SPRED2: variants seen among roughly 807,000 people sequenced by gnomAD.
SPRED2 encodes sprouty related EVH1 domain containing 2.
Under a neutral mutation model 43.0 loss-of-function variants are expected in SPRED2, and 47 were observed. That is an observed-to-expected ratio of 1.09 (90% CI 0.87 to 1.40). The LOEUF is 1.40. SPRED2 is among the 40% of genes most tolerant of loss of function. The pLI is 0.00. For synonymous variants in SPRED2, 225 were observed against 225.7 expected, an observed-to-expected ratio of 1.00 and a Z score of 0.03; for missense variants, 561 against 586.4, an observed-to-expected ratio of 0.96 and a Z score of 0.45.
intron 4 of SPRED2, among the ~76,000 whole-genome samples, chr2:65,322,567 A>G (rs2104155877): frequency 6.6e-6 from 1 of 152,170 alleles, no homozygotes; most frequent in Admixed American, 6.5e-5. Context: ...TGCTGGGATT[A>G]CAGGCGTGAG....
At chr2:65,386,807 G>A (rs980731899) in intron 1 of SPRED2, among the ~76,000 whole-genome samples, 27 of 152,110 alleles carry the variant, frequency 1.8e-4, no homozygotes, top group South Asian at 1.0e-3. Flanking sequence ...TAAAAATAAC[G>A]TCTACTTTTG....
intron 1 of SPRED2, among the ~76,000 whole-genome samples, chr2:65,375,748 A>G (rs1675223571): frequency 6.6e-6 from 1 of 152,204 alleles, no homozygotes; most frequent in Non-Finnish European, 1.5e-5. Flanking sequence ...AAACTTTTAA[A>G]CAAGGTTCAT....
downstream of SPRED2, among the ~76,000 whole-genome samples, chr2:65,309,848 G>A (rs1447078643): frequency 2.0e-5 from 3 of 152,056 alleles, no homozygotes; most frequent in South Asian, 2.1e-4. Flanking sequence ...CTTGACTGTC[G>A]CCCACTTGTC....
intron 1 of SPRED2, among the ~76,000 whole-genome samples, chr2:65,406,739 A>T (rs1340020561): frequency 1.3e-5 from 2 of 151,946 alleles, no homozygotes; most frequent in Non-Finnish European, 2.9e-5. Context: ...TTTCCTTTCC[A>T]CCCTTGCAGG....
At chr2:65,407,798 G>A (rs1333521258) in intron 1 of SPRED2, among the ~76,000 whole-genome samples, 1 of 152,196 alleles carries the variant, frequency 6.6e-6, no homozygotes, top group African/African-American at 2.4e-5. Context: ...CCAACTGGAG[G>A]ACAGTTCTCT....
chr2:65,405,398 A>C (rs1675999228), intron 1 of SPRED2, among the ~76,000 whole-genome samples: 1 of 152,246 alleles, frequency 6.6e-6, no homozygotes, highest in Non-Finnish European at 1.5e-5. Flanking sequence ...AATTGCTGCA[A>C]ATCATCCTCG....
chr2:65,401,671 G>A (rs1019724563), intron 1 of SPRED2, among the ~76,000 whole-genome samples: 8 of 151,582 alleles, frequency 5.3e-5, no homozygotes, highest in Non-Finnish European at 1.0e-4. Flanking sequence ...GGTGGCGGGC[G>A]CGCCTGTAGT....
intron 1 of SPRED2, among the ~76,000 whole-genome samples, chr2:65,424,782 C>G (rs540599030): frequency 6.6e-6 from 1 of 152,166 alleles, no homozygotes; most frequent in East Asian, 1.9e-4. Context: ...GAAGACCTCA[C>G]CTCTACTAAA....
intron 1 of SPRED2, among the ~76,000 whole-genome samples, chr2:65,415,228 T>A (rs1343848471): frequency 1.3e-5 from 2 of 152,264 alleles, no homozygotes; most frequent in Non-Finnish European, 2.9e-5. Context: ...CCCTTCACAT[T>A]TTCTCCTAAG....
In SPRED2 at chr2:65,344,805, G is replaced by T; in HGVS notation, c.118C>A (p.Arg40Ser). 6.2e-7 allele frequency: 1 copy of T among 1,614,120 alleles called. No homozygotes were observed. The highest frequency in any genetic ancestry group is 8.5e-7 in the Non-Finnish European group (1 of 1,180,014). ...TGCATGACCTTACAGACCCCGACGC[G>T]ACTGATCCCGCCTCCTTCCTGTGGG... The part of the protein sequence containing the change: ...WFPQEGGGIS[R>S]VGVCKVMHPE... Residue 40 changes from arginine (R) to serine (S), a missense_variant, in exon 2 of 6, where the codon CGC becomes AGC. This residue lies in a region of SPRED2 where 305 missense variants were observed against 282.4 expected (regional missense o/e 1.08). Coordinates refer to ENST00000356388, the MANE Select transcript of SPRED2 (RefSeq NM_181784.3).
downstream of SPRED2, among the ~76,000 whole-genome samples, chr2:65,310,438 C>T (rs1018139621): frequency 1.7e-4 from 24 of 143,332 alleles, no homozygotes; most frequent in Non-Finnish European, 3.0e-4. Context: ...TTGTTTTCTG[C>T]GAGAAATTGT....
intron 1 of SPRED2, among the ~76,000 whole-genome samples, chr2:65,394,308 T>A (rs1440721567): frequency 6.6e-6 from 1 of 152,310 alleles, no homozygotes; most frequent in South Asian, 2.1e-4. Context: ...AATTCTCAGG[T>A]GCCTGGCAAA....
intron 1 of SPRED2, among the ~76,000 whole-genome samples, chr2:65,425,954 C>G (rs1676545685): frequency 6.6e-6 from 1 of 152,200 alleles, no homozygotes; most frequent in Non-Finnish European, 1.5e-5. Flanking sequence ...TGCTGTTAGA[C>G]TGTATTTGTG....
chr2:65,401,668 G>A (rs1322729921), intron 1 of SPRED2, among the ~76,000 whole-genome samples: 4 of 151,536 alleles, frequency 2.6e-5, no homozygotes, highest in African/African-American at 9.7e-5. Flanking sequence ...CATGGTGGCG[G>A]GCGCGCCTGT....
At chr2:65,395,013 C>T (rs553089863) in intron 1 of SPRED2, among the ~76,000 whole-genome samples, 51 of 152,160 alleles carry the variant, frequency 3.4e-4, no homozygotes, top group Middle Eastern at 3.4e-3. Flanking sequence ...AAGAGATATC[C>T]GGTGGCCAGG....
At position 65,399,536 on chromosome 2, in the gene SPRED2, C is replaced by G. The variant is rs140358569; in HGVS notation, c.26+32426G>C. Among the ~76,000 whole-genome samples the G allele has an allele frequency of 1.5e-3, 230 of 151,768 alleles. 7 individuals carry two copies. In the East Asian group the frequency reaches 0.039, roughly 26 times the overall value. ...TAGCTGGAACTACAGGTGCACGCCA[C>G]CACGCCTGGCTAATTTTTGTATTTT... On this transcript the variant is annotated intron_variant, in intron 1 of 5. Coordinates refer to ENST00000356388, the MANE Select transcript of SPRED2 (RefSeq NM_181784.3).
chr2:65,308,441 A>G (rs1672985748), downstream of SPRED2: 1 of 985,356 alleles, frequency 1.0e-6, no homozygotes, highest in Non-Finnish European at 1.2e-6. Context: ...TTCAGATCAA[A>G]TAGAAGTTAA....
At chr2:65,431,555 C>T (rs1037096614) in intron 1 of SPRED2, among the ~76,000 whole-genome samples, 1 of 152,238 alleles carries the variant, frequency 6.6e-6, no homozygotes, top group African/African-American at 2.4e-5. Flanking sequence ...GCAGGGCTCG[C>T]GGGGCGGCGG....
intron 1 of SPRED2, among the ~76,000 whole-genome samples, chr2:65,404,745 C>G (rs1165426329): frequency 6.6e-6 from 1 of 152,208 alleles, no homozygotes; most frequent in Non-Finnish European, 1.5e-5. Flanking sequence ...GCAAACAGGA[C>G]TGGCTGTAGG....
Sources: allele counts gnomAD v4.1 joint callset (sites outside exome capture counted in the v4.1 genomes callset), GRCh38; gene constraint gnomAD v4.1.1; regional missense constraint gnomAD v4.1.1; transcripts MANE v1.5; gene names NCBI Gene and HGNC (gene_info 2026-07-23, HGNC 2026-07-21).